Variants in CSTPP1 observed in about 807,000 individuals in gnomAD.
CSTPP1 encodes UPF0705 protein C11orf49.
chr11:46,997,139 C>T, the CSTPP1 span, among the ~76,000 whole-genome samples: 13 of 152,300 alleles, frequency 8.5e-5, 1 homozygote, highest in South Asian at 2.5e-3. Flanking sequence ...GGATAATATC[C>T]TGAAGAGTGT....
the CSTPP1 span, among the ~76,000 whole-genome samples, chr11:47,079,152 G>T: frequency 6.6e-6 from 1 of 152,106 alleles, no homozygotes; most frequent in Non-Finnish European, 1.5e-5. Flanking sequence ...TCTTGTGGGG[G>T]ATCATGAGCA....
At chr11:47,161,316 G>A in the CSTPP1 span, 1 of 1,589,884 alleles carries the variant, frequency 6.3e-7, no homozygotes, top group Admixed American at 1.8e-5. Context: ...AGGGTCTGGG[G>A]GCCAGTGGAG....
the CSTPP1 span, among the ~76,000 whole-genome samples, chr11:47,163,006 C>G: frequency 6.6e-6 from 1 of 151,938 alleles, no homozygotes; most frequent in Non-Finnish European, 1.5e-5. Flanking sequence ...ATAGTAGGAC[C>G]CTATCTCTAC....
the CSTPP1 span, chr11:47,159,505 C>T: frequency 4.9e-6 from 2 of 407,002 alleles, no homozygotes; most frequent in Non-Finnish European, 4.8e-6. Flanking sequence ...GCAAGACAGT[C>T]TCAAAAAAGA....
chr11:47,022,577 C>T, the CSTPP1 span, among the ~76,000 whole-genome samples: 4 of 151,968 alleles, frequency 2.6e-5, no homozygotes, highest in East Asian at 5.8e-4. Flanking sequence ...ACCATGTTGG[C>T]CAGGCTGGTC....
the CSTPP1 span, among the ~76,000 whole-genome samples, chr11:46,994,236 GA>G: frequency 2.0e-4 from 31 of 152,142 alleles, no homozygotes; most frequent in Non-Finnish European, 2.8e-4. Context: ...GGGACAATTT[GA>G]CTTCCTCTTT....
chr11:47,027,916 C>CTTTTTTT, the CSTPP1 span, among the ~76,000 whole-genome samples: 2 of 136,076 alleles, frequency 1.5e-5, no homozygotes, highest in Non-Finnish European at 1.6e-5. Flanking sequence ...TCTCTATTTT[C>CTTTTTTT]TTTTTTTTTT....
the CSTPP1 span, among the ~76,000 whole-genome samples, chr11:47,104,052 AC>A: frequency 6.6e-6 from 1 of 152,012 alleles, no homozygotes; most frequent in Non-Finnish European, 1.5e-5. Context: ...CAAACCTATA[AC>A]TTTGAGGAAA....
chr11:47,153,391 A>T, the CSTPP1 span, among the ~76,000 whole-genome samples: 8 of 152,296 alleles, frequency 5.3e-5, no homozygotes, highest in African/African-American at 1.9e-4. Context: ...TCCCCAGGAG[A>T]TGCCTAACAT....
At chr11:46,958,001 T>C in the CSTPP1 span, among the ~76,000 whole-genome samples, 3 of 152,184 alleles carry the variant, frequency 2.0e-5, no homozygotes, top group Non-Finnish European at 2.9e-5. Context: ...TATACACAGA[T>C]TTTCTTTGCC....
the CSTPP1 span, chr11:47,157,345 A>C: frequency 4.6e-6 from 5 of 1,083,372 alleles, no homozygotes; most frequent in East Asian, 1.4e-4. Context: ...GTCATAATGT[A>C]ACAGTGCCAT....
the CSTPP1 span, among the ~76,000 whole-genome samples, chr11:47,135,374 A>G: frequency 7.2e-5 from 11 of 152,290 alleles, no homozygotes; most frequent in Admixed American, 5.2e-4. Flanking sequence ...AATTTGCCCA[A>G]GATTACATAC....
the CSTPP1 span, among the ~76,000 whole-genome samples, chr11:47,071,196 A>C: frequency 6.6e-6 from 1 of 152,334 alleles, no homozygotes; most frequent in Middle Eastern, 3.4e-3. Context: ...ATTAAGAATA[A>C]GTGGATTTTT....
At chr11:47,114,131 C>T in the CSTPP1 span, among the ~76,000 whole-genome samples, 1,975 of 152,218 alleles carry the variant, frequency 0.013, 13 homozygotes, top group Non-Finnish European at 0.021. Flanking sequence ...TTGATTTTGT[C>T]AGGTTTGTCA....
At chr11:47,082,534 A>AT in the CSTPP1 span, among the ~76,000 whole-genome samples, 4 of 152,192 alleles carry the variant, frequency 2.6e-5, no homozygotes, top group African/African-American at 9.6e-5. Flanking sequence ...TTTAAAAATT[A>AT]TTTTTAATAA....
the CSTPP1 span, among the ~76,000 whole-genome samples, chr11:46,946,429 C>T: frequency 2.1e-4 from 32 of 152,276 alleles, no homozygotes; most frequent in African/African-American, 7.0e-4. Context: ...GAGGCCAAGG[C>T]GGGTGGATCA....
the CSTPP1 span, among the ~76,000 whole-genome samples, chr11:47,003,508 C>T: frequency 2.0e-5 from 3 of 152,206 alleles, no homozygotes; most frequent in Non-Finnish European, 4.4e-5. Flanking sequence ...CTCCCGGCCC[C>T]CTTGCAGGTG....
the CSTPP1 span, among the ~76,000 whole-genome samples, chr11:46,938,211 C>A: frequency 6.6e-6 from 1 of 151,884 alleles, no homozygotes; most frequent in African/African-American, 2.4e-5. Context: ...GCAGATAGTA[C>A]GGCGAGTTCC....
chr11:47,138,978 T>C, the CSTPP1 span, among the ~76,000 whole-genome samples: 1 of 28,728 alleles, frequency 3.5e-5, no homozygotes, highest in African/African-American at 1.5e-4. Flanking sequence ...AGACTCCGTC[T>C]CAAAAAAAAA....
Sources: gnomAD v4.1 joint callset for allele counts (sites outside exome capture counted in the v4.1 genomes callset) on GRCh38, gnomAD v4.1.1 for gene constraint, MANE v1.5 for transcripts, NCBI Gene and HGNC (gene_info 2026-07-23, HGNC 2026-07-21) for gene names.